The following TRPC5 variants were observed in gnomAD, a reference collection of about 807,000 sequenced individuals.
The protein encoded by TRPC5 is short transient receptor potential channel 5.
In TRPC5, 9 loss-of-function variants were observed where a neutral mutation model predicts 56.5. The observed-to-expected ratio is 0.16, with a 90% CI of 0.10 to 0.28. TRPC5 has a LOEUF of 0.28. Ranked by LOEUF, TRPC5 falls within the 10% of genes least tolerant of loss-of-function variation. The pLI is 1.00. For missense variants in TRPC5, 469 were observed against 748.9 expected (o/e 0.63, Z 4.36); for synonymous variants, 282 against 278.5 (o/e 1.01, Z -0.13).
chrX:111,827,406 G>A (rs1922272071), intron 7 of TRPC5, among the ~76,000 whole-genome samples: 1 of 110,879 alleles, frequency 9.0e-6, no homozygotes, highest in Non-Finnish European at 1.9e-5. Context: ...CCTCTACCTG[G>A]ATGTCTAATA....
Position 111,788,557 on chromosome X carries a change from T to C in TRPC5, c.1897-6419A>G, listed in dbSNP as rs770765168. 7.3e-4 allele frequency among the ~76,000 whole-genome samples: 82 copies of C among 112,009 alleles called. 1 individual carries two copies. The South Asian group carries it at 0.03, about 40-fold the overall frequency. ...GTATTCAACATAGTGTTGGAAGTTC[T>C]GGCCGGGGAAATCAGGCAAGAGAAA... On this transcript the variant is annotated intron_variant, in intron 7 of 10. Transcript: ENST00000262839.
intron 1 of TRPC5, among the ~76,000 whole-genome samples, chrX:112,021,868 GT>G (rs1929281007): frequency 8.9e-6 from 1 of 112,481 alleles, no homozygotes; most frequent in Non-Finnish European, 1.9e-5. Context: ...ATGCTTACTG[GT>G]TTATAGATCT....
intron 1 of TRPC5, among the ~76,000 whole-genome samples, chrX:112,072,810 C>G (rs1430198963): frequency 9.0e-6 from 1 of 111,157 alleles, no homozygotes; most frequent in African/African-American, 3.3e-5. Context: ...ATCGATCTCT[C>G]TCTCTCTCTT....
rs750373959 is a variant in TRPC5, at chrX:111,986,950, T to C, written c.-21-34509A>G. 5.4e-5 allele frequency among the ~76,000 whole-genome samples: 6 copies of C among 111,765 alleles called. No individual in the cohort carries two copies. In the South Asian group the frequency reaches 2.3e-3, roughly 42 times the overall value. On this transcript the variant is annotated intron_variant, in intron 1 of 10. Transcript: ENST00000262839. ...TTTATGTGGCACTTGACCTGGGAAT[T>C]TGAATCCCTGAGCTCATTCTTTTCT...
intron 7 of TRPC5, among the ~76,000 whole-genome samples, chrX:111,790,375 C>T (rs1173601731): frequency 9.0e-6 from 1 of 110,547 alleles, no homozygotes; most frequent in Non-Finnish European, 1.9e-5. Flanking sequence ...CACTTGGACA[C>T]AGGGCAGGGA....
chrX:111,882,742 G>A (rs938474081), intron 3 of TRPC5, among the ~76,000 whole-genome samples: 10 of 112,582 alleles, frequency 8.9e-5, no homozygotes, highest in Non-Finnish European at 1.7e-4. Context: ...TATCAGTTAG[G>A]TGGAGACAGA....
At chrX:111,990,245 C>G (rs1928318199) in intron 1 of TRPC5, among the ~76,000 whole-genome samples, 1 of 110,530 alleles carries the variant, frequency 9.0e-6, no homozygotes, top group Non-Finnish European at 1.9e-5. Flanking sequence ...AGGTGAAACA[C>G]TGTCTCTATT....
chrX:112,073,424 C>A (rs763998140), intron 1 of TRPC5, among the ~76,000 whole-genome samples: 2 of 104,422 alleles, frequency 1.9e-5, no homozygotes, highest in African/African-American at 3.3e-5. Flanking sequence ...CACGTGCCAC[C>A]ATGCCCGGCT....
At chrX:111,793,650 C>T (rs892339660) in intron 7 of TRPC5, among the ~76,000 whole-genome samples, 8 of 111,760 alleles carry the variant, frequency 7.2e-5, no homozygotes, top group African/African-American at 2.6e-4. Context: ...GGTTGCTACT[C>T]AAATTGTTAA....
At position 111,944,304 on chromosome X, in the gene TRPC5, G is replaced by GTGTGTGTGAGAA. The variant is rs1556592186; in HGVS notation, c.378+7738_378+7739insTTCTCACACACA. On this transcript the variant is annotated intron_variant, in intron 2 of 10. Coordinates refer to ENST00000262839, the MANE Select transcript of TRPC5 (RefSeq NM_012471.3). ...TGTGTGTGTGTGTGTGTGTGTGTGT[G>GTGTGTGTGAGAA]AGAGAGAGAGAGAGAGAGAGAGAGA... Among the ~76,000 whole-genome samples the GTGTGTGTGAGAA allele has an allele frequency of 3.9e-3, 273 of 70,212 alleles. 2 individuals carry two copies. Among genetic ancestry groups the GTGTGTGTGAGAA allele is most frequent in the African/African-American group, 0.017 (251 of 15,061 alleles). 61.0% of individuals were successfully genotyped at this position (70,212 alleles called of 115,157 possible). A position where few individuals can be genotyped will look rare whatever the true frequency, so the allele number is the denominator to read the frequency against.
chrX:111,952,355 A>T lies in TRPC5; in HGVS notation c.66T>A (p.Ile22=). The change falls in exon 2 of 11, where the codon ATT becomes ATA. Residue 22 remains isoleucine (I), a synonymous_variant. Coordinates refer to ENST00000262839, the MANE Select transcript of TRPC5 (RefSeq NM_012471.3). ...SPYRDRIPLQ[I]VRAETELSAE... ...CAGAGAGCTCTGTCTCAGCCCTCAC[A>T]ATTTGCAGGGGGATGCGGTCTCTGT... 4 of 1,211,489 alleles carry T rather than the reference A, an allele frequency of 3.3e-6. No individual in the cohort carries two copies. Among genetic ancestry groups the T allele is most frequent in the South Asian group, 3.5e-5 (2 of 56,942 alleles).
chrX:111,940,542 T>C (rs1926745304), intron 2 of TRPC5, among the ~76,000 whole-genome samples: 1 of 109,032 alleles, frequency 9.2e-6, no homozygotes, highest in Non-Finnish European at 1.9e-5. Context: ...TACAAAAAAA[T>C]TAGCCGGGTG....
At chrX:112,054,667 A>G (rs1007133550) in intron 1 of TRPC5, among the ~76,000 whole-genome samples, 7 of 111,250 alleles carry the variant, frequency 6.3e-5, no homozygotes, top group African/African-American at 2.3e-4. Flanking sequence ...GACCACAGCC[A>G]GAACTAGAGA....
intron 7 of TRPC5, among the ~76,000 whole-genome samples, chrX:111,792,478 TA>T (rs1030931101): frequency 1.8e-5 from 2 of 110,682 alleles, no homozygotes; most frequent in Non-Finnish European, 3.8e-5. Flanking sequence ...TTTAAAAAAT[TA>T]AAAAAAAGCA....
chrX:111,977,436 G>T (rs1248703134), intron 1 of TRPC5, among the ~76,000 whole-genome samples: 1 of 111,777 alleles, frequency 8.9e-6, no homozygotes, highest in African/African-American at 3.2e-5. Flanking sequence ...TGCAAAAATT[G>T]AAATTAAATT....
intron 1 of TRPC5, among the ~76,000 whole-genome samples, chrX:111,984,762 T>C (rs1015032483): frequency 4.4e-5 from 5 of 112,513 alleles, no homozygotes; most frequent in African/African-American, 1.3e-4. Context: ...GGGTGAACAG[T>C]TGATATACTC....
chrX:111,828,333 C>T (rs764841812), intron 7 of TRPC5, among the ~76,000 whole-genome samples: 2 of 111,398 alleles, frequency 1.8e-5, no homozygotes, highest in East Asian at 5.7e-4. Context: ...CCATGCTGTT[C>T]TCATTATAGT....
rs772452092 is a variant in TRPC5, at chrX:111,797,727, G to A, written c.1897-15589C>T. ...ATTTATCTATTTTCTCTTTCATTGC[G>A]TATGTTTTTGCTGTATTAATCTAAG... On this transcript the variant is annotated intron_variant, in intron 7 of 10. Coordinates refer to ENST00000262839, the MANE Select transcript of TRPC5 (RefSeq NM_012471.3). Among the ~76,000 whole-genome samples the A allele has an allele frequency of 1.1e-4, 12 of 110,951 alleles. No individual in the cohort carries two copies. The South Asian group carries it at 1.1e-3, about 10-fold the overall frequency.
chrX:111,933,035 C>T (rs1366466629), intron 2 of TRPC5, among the ~76,000 whole-genome samples: 2 of 112,361 alleles, frequency 1.8e-5, no homozygotes, highest in Non-Finnish European at 3.8e-5. Flanking sequence ...TTTTCTGAAA[C>T]GTTCCTCACT....
Sources: gnomAD v4.1 joint callset for allele counts (sites outside exome capture counted in the v4.1 genomes callset) on GRCh38, gnomAD v4.1.1 for gene constraint, MANE v1.5 for transcripts, NCBI Gene and HGNC (gene_info 2026-07-23, HGNC 2026-07-21) for gene names.